The following SEC61A2 variants were observed in gnomAD, a reference collection of about 807,000 sequenced individuals.
SEC61A2 encodes protein transport protein Sec61 subunit alpha isoform 2.
A neutral mutation model predicts 59.9 loss-of-function variants in SEC61A2; 28 were observed. The observed-to-expected ratio is 0.47, with a 90% CI of 0.35 to 0.64. SEC61A2 has a LOEUF of 0.64. Among genes scored for constraint, SEC61A2 ranks in the 30% least tolerant of loss-of-function variants. SEC61A2 has a pLI of 0.01. For missense variants in SEC61A2, 340 were observed against 585.9 expected (o/e 0.58, Z 4.33); for synonymous variants, 202 against 214.4 (o/e 0.94, Z 0.50).
intron 8 of SEC61A2, among the ~76,000 whole-genome samples, chr10:12,157,609 TCTC>T (rs1834430111): frequency 6.6e-6 from 1 of 151,636 alleles, no homozygotes; most frequent in Non-Finnish European, 1.5e-5. Context: ...TTCAAGCGAT[TCTC>T]CTGTCTCAGC....
chr10:12,157,336 T>C (rs566908176), intron 8 of SEC61A2, among the ~76,000 whole-genome samples: 1 of 152,110 alleles, frequency 6.6e-6, no homozygotes, highest in South Asian at 2.1e-4. Flanking sequence ...TTGTCTTTTC[T>C]TTTCTTTTTT....
chr10:12,147,935 A>G (rs1272453207), intron 4 of SEC61A2, among the ~76,000 whole-genome samples: 1 of 151,200 alleles, frequency 6.6e-6, no homozygotes, highest in Non-Finnish European at 1.5e-5. Flanking sequence ...AATCTATCTA[A>G]TATCTTTTTT....
At position 12,136,167 on chromosome 10, in the gene SEC61A2, T is replaced by C; in HGVS notation, c.138T>C (p.Cys46=). The change falls in exon 3 of 12, where the codon TGT becomes TGC. Residue 46 remains cysteine (C), a synonymous_variant. Transcript: ENST00000298428. ...AITLFIFLVC[C]QIPLFGIMSS... ...CGCTCTTCATTTTCTTAGTGTGTTG[T>C]CAGGTATGTAACTATACTATTAAAT... 6.4e-7 allele frequency: 1 copy of C among 1,570,412 alleles called. No homozygotes were observed. The highest frequency in any genetic ancestry group is 8.8e-7 in the Non-Finnish European group (1 of 1,140,332).
At chr10:12,157,559 A>G (rs576959209) in intron 8 of SEC61A2, among the ~76,000 whole-genome samples, 5 of 147,566 alleles carry the variant, frequency 3.4e-5, no homozygotes, top group East Asian at 2.0e-4. Flanking sequence ...CTGGAGTGCA[A>G]TGGCGCAATC....
At position 12,149,797 on chromosome 10, in the gene SEC61A2, T is replaced by A; in HGVS notation, c.353-55T>A. ...CTCGTGGTAAAGATGTTTTCTCTAG[T>A]CTTTTCTTGTCTTTGGTGGTAAGCG... On this transcript the variant is annotated intron_variant, in intron 5 of 11. Coordinates refer to ENST00000298428, the MANE Select transcript of SEC61A2 (RefSeq NM_018144.4). The surrounding 1 kb of genome is among the most constrained non-coding windows in gnomAD (Gnocchi z 5.2). 6.2e-7 allele frequency: 1 copy of A among 1,606,492 alleles called. No individual in the cohort carries two copies. Among genetic ancestry groups the A allele is most frequent in the Non-Finnish European group, 8.5e-7 (1 of 1,175,282 alleles).
rs1834402279 is a variant in SEC61A2, at chr10:12,156,673, T to C, written c.617-234T>C. Among the ~76,000 whole-genome samples the C allele has an allele frequency of 6.6e-6, 1 of 152,254 alleles. No individual in the cohort carries two copies. Among genetic ancestry groups the C allele is most frequent in the Non-Finnish European group, 1.5e-5 (1 of 68,050 alleles). Reference sequence around the variant, plus strand: ...GGTAAATTTTACGTTGTATGTTTTCTTCAAGAATAGTCTCTTGAGAAAACT... The same window carrying C: ...GGTAAATTTTACGTTGTATGTTTTCCTCAAGAATAGTCTCTTGAGAAAACT... On this transcript the variant is annotated intron_variant, in intron 7 of 11. Transcript: ENST00000298428. The surrounding 1 kb of genome is among the most constrained non-coding windows in gnomAD (Gnocchi z 5.2).
At position 12,155,035 on chromosome 10, in the gene SEC61A2, C is replaced by A. The variant is rs1045957426; in HGVS notation, c.463-743C>A. On this transcript the variant is annotated intron_variant, in intron 6 of 11. Transcript: ENST00000298428. This position sits in a 1 kb window ranked among gnomAD's most constrained non-coding sequence, Gnocchi z 4.3. Reference sequence around the variant, plus strand: ...GGCTAGGGACTGTTTTTAATTAATGCATACTTTTACAGGAATGTCTTCTCC... The same window carrying A: ...GGCTAGGGACTGTTTTTAATTAATGAATACTTTTACAGGAATGTCTTCTCC... Among the ~76,000 whole-genome samples the A allele has an allele frequency of 2.6e-5, 4 of 152,102 alleles. No individual in the cohort carries two copies. The highest frequency in any genetic ancestry group is 9.7e-5 in the African/African-American group (4 of 41,390).
chr10:12,158,058 G>C lies in SEC61A2; in HGVS notation c.928G>C (p.Val310Leu). ...GTATGTTATTTCCCAGATGCTGTCT[G>C]TTCGATTTAGTGGCAACTTTTTAGT... ...NLYVISQMLS[V>L]RFSGNFLVNL... is the part of the protein sequence containing the mutation. Residue 310 changes from valine to leucine, a missense_variant, in exon 9 of 12, where the codon GTT (valine) becomes CTT (leucine). Transcript: ENST00000298428. The surrounding 1 kb of genome is among the most constrained non-coding windows in gnomAD (Gnocchi z 5.7). The C allele has an allele frequency of 1.9e-6, 3 of 1,614,170 alleles. No homozygotes were observed. Among genetic ancestry groups the C allele is most frequent in the Non-Finnish European group, 2.5e-6 (3 of 1,180,028 alleles).
At chr10:12,148,190 C>T (rs1017845023) in intron 4 of SEC61A2, among the ~76,000 whole-genome samples, 18 of 151,412 alleles carry the variant, frequency 1.2e-4, no homozygotes, top group Admixed American at 3.9e-4. Flanking sequence ...CCTCCCACCT[C>T]GTCCTCCCAA....
At chr10:12,135,280 C>T (rs185047459) in intron 2 of SEC61A2, among the ~76,000 whole-genome samples, 11 of 151,906 alleles carry the variant, frequency 7.2e-5, no homozygotes, top group Admixed American at 5.3e-4. Context: ...CAAACCGGCA[C>T]GTTCAGCACA....
intron 1 of SEC61A2, among the ~76,000 whole-genome samples, chr10:12,132,160 G>A (rs900793806): frequency 2.0e-5 from 3 of 151,210 alleles, no homozygotes; most frequent in Non-Finnish European, 4.4e-5. Flanking sequence ...AATTAGCCAG[G>A]CATGGTACCG....
In SEC61A2 at chr10:12,153,861, ATTTG is replaced by A. The variant is rs1286131421; in HGVS notation, c.463-1913_463-1910del. 7.3e-6 allele frequency: 11 copies of A among 1,505,798 alleles called. No individual in the cohort carries two copies. In the African/African-American group the frequency reaches 8.3e-5, roughly 11 times the overall value. The allele number at this position is 1,505,798 out of a possible 1,614,324, so 93.3% of individuals were successfully genotyped here. ...CGTTGTGGAAGGTATTTCTCACCTT[ATTTG>A]TTTATGTTTCATTCACGTGGTTAGT... On this transcript the variant is annotated intron_variant, in intron 6 of 11. Transcript: ENST00000298428. The surrounding 1 kb of genome is among the most constrained non-coding windows in gnomAD (Gnocchi z 5.2).
intron 3 of SEC61A2, among the ~76,000 whole-genome samples, chr10:12,139,993 A>G (rs534386610): frequency 7.3e-4 from 111 of 151,462 alleles, no homozygotes; most frequent in African/African-American, 2.7e-3. Context: ...AAAAGAATTC[A>G]TGAACCTGAC....
Position 12,129,697 on chromosome 10 carries a change from T to A in SEC61A2, c.-91T>A. The A allele has an allele frequency of 4.7e-6, 6 of 1,288,304 alleles. No individual in the cohort carries two copies. The highest frequency in any genetic ancestry group is 6.3e-6 in the Non-Finnish European group (6 of 950,058). 79.8% of individuals were successfully genotyped at this position (1,288,304 alleles called of 1,614,324 possible). A position where few individuals can be genotyped will look rare whatever the true frequency, so the allele number is the denominator to read the frequency against. ...CCTGCGCGGGGCCGGTAGGATCGCG[T>A]CGGGAGCCGGTACCGAGGCCCGAGC... On this transcript the variant is annotated 5_prime_UTR_variant, in exon 1 of 12. Transcript: ENST00000298428. This position sits in a 1 kb window ranked among gnomAD's most constrained non-coding sequence, Gnocchi z 5.6.
At chr10:12,167,242 G>A (rs1834723503), downstream of SEC61A2, 1 of 158,998 alleles carries the variant, frequency 6.3e-6, no homozygotes. Flanking sequence ...TCAATTAGAA[G>A]AGGCCAAAAA....
chr10:12,165,229 T>G lies in SEC61A2; in HGVS notation c.*775T>G, dbSNP rs1588649371. ...TGTTTAAATCCCTAAAGCAAAGATCTAATTCTCAAGCAATGTCTGTAGTTC... is the reference window on the plus strand; with the variant it reads ...TGTTTAAATCCCTAAAGCAAAGATCGAATTCTCAAGCAATGTCTGTAGTTC... On this transcript the variant is annotated 3_prime_UTR_variant, in exon 12 of 12. Transcript: ENST00000298428. 1.0e-6 allele frequency: 1 copy of G among 985,444 alleles called. No individual in the cohort carries two copies. The highest frequency in any genetic ancestry group is 1.1e-4 in the East Asian group (1 of 8,822). 61.0% of individuals were successfully genotyped at this position (985,444 alleles called of 1,614,324 possible). A position where few individuals can be genotyped will look rare whatever the true frequency, so the allele number is the denominator to read the frequency against.
chr10:12,167,608 T>C (rs1834734617), downstream of SEC61A2: 5 of 1,226,516 alleles, frequency 4.1e-6, no homozygotes, highest in Non-Finnish European at 5.9e-6. Context: ...AAAAAGCTAA[T>C]GGCAAATCTA....
intron 3 of SEC61A2, among the ~76,000 whole-genome samples, chr10:12,140,553 C>T (rs918487898): frequency 2.0e-5 from 3 of 152,222 alleles, no homozygotes; most frequent in African/African-American, 7.2e-5. Context: ...GAGCGCCTAA[C>T]CATGGCGGAT....
rs1160751808 is a variant in SEC61A2 at position 12,161,188 on chromosome 10, A to G, written c.1167+67A>G. On this transcript the variant is annotated intron_variant, in intron 10 of 11. Coordinates refer to ENST00000298428, the MANE Select transcript of SEC61A2 (RefSeq NM_018144.4). This position sits in a 1 kb window ranked among gnomAD's most constrained non-coding sequence, Gnocchi z 5.4. ...CATGGTGGCGCACATCTGTAATCGTAGCACTTTGGCAGGCTGAGGCCGCTG... is the reference window on the plus strand; with the variant it reads ...CATGGTGGCGCACATCTGTAATCGTGGCACTTTGGCAGGCTGAGGCCGCTG... 7.3e-6 allele frequency: 10 copies of G among 1,368,374 alleles called. No individual in the cohort carries two copies. The highest frequency in any genetic ancestry group is 1.0e-5 in the Non-Finnish European group (10 of 996,744). 84.8% of individuals were successfully genotyped at this position (1,368,374 alleles called of 1,614,324 possible).
Sources: allele counts gnomAD v4.1 joint callset (sites outside exome capture counted in the v4.1 genomes callset), GRCh38; gene constraint gnomAD v4.1.1; non-coding constraint Gnocchi (gnomAD v3.1); transcripts MANE v1.5; gene names NCBI Gene and HGNC (gene_info 2026-07-23, HGNC 2026-07-21).